Variants in RHOT1 observed in about 807,000 individuals in gnomAD.
The protein encoded by RHOT1 is ras homolog family member T1, also known as mitochondrial Rho GTPase 1.
RHOT1 carries 27 observed loss-of-function variants against 95.3 expected under a neutral mutation model. The observed-to-expected ratio is 0.28, with a 90% CI of 0.21 to 0.39. The LOEUF (loss-of-function observed/expected upper bound fraction) is 0.39. RHOT1 is among the 10% of genes least tolerant of loss of function. The pLI, the probability that RHOT1 is intolerant of heterozygous loss-of-function variation, is 1.00. For missense variants in RHOT1, 578 were observed against 786.7 expected (o/e 0.73, Z 3.17); for synonymous variants, 227 against 263.5 (o/e 0.86, Z 1.34).
intron 1 of RHOT1, among the ~76,000 whole-genome samples, chr17:32,163,773 A>G (rs2033788462): frequency 2.0e-5 from 3 of 152,164 alleles, no homozygotes. Flanking sequence ...TGTTAACTAT[A>G]TTGGTGATAA....
At chr17:32,189,022 G>A (rs1047310003) in intron 8 of RHOT1, among the ~76,000 whole-genome samples, 2 of 152,118 alleles carry the variant, frequency 1.3e-5, no homozygotes, top group African/African-American at 4.8e-5. Flanking sequence ...GATTCTGGCC[G>A]GGCAAAGTGG....
At chr17:32,204,411 A>G (rs1024223861) in intron 16 of RHOT1, among the ~76,000 whole-genome samples, 4 of 151,800 alleles carry the variant, frequency 2.6e-5, no homozygotes, top group Non-Finnish European at 4.4e-5. Flanking sequence ...TTAGCCGGGC[A>G]TGGTGGTTCA....
chr17:32,172,795 A>G (rs1292358353), intron 2 of RHOT1: 1 of 152,508 alleles, frequency 6.6e-6, no homozygotes, highest in Non-Finnish European at 1.5e-5. Context: ...GTGCCATTGC[A>G]CTCCAGCCTG....
intron 6 of RHOT1, among the ~76,000 whole-genome samples, chr17:32,178,209 C>T (rs138787375): frequency 5.3e-5 from 8 of 149,860 alleles, no homozygotes; most frequent in African/African-American, 1.7e-4. Flanking sequence ...GCCCTCCCCC[C>T]CCCCAGTGAT....
chr17:32,172,769 G>C (rs930528468), intron 2 of RHOT1, among the ~76,000 whole-genome samples: 5 of 152,244 alleles, frequency 3.3e-5, no homozygotes, highest in Admixed American at 2.6e-4. Context: ...GGCAGAGCTT[G>C]CAGTGAGCTG....
intron 8 of RHOT1, among the ~76,000 whole-genome samples, chr17:32,191,998 G>A (rs2036524746): frequency 6.6e-6 from 1 of 152,154 alleles, no homozygotes; most frequent in African/African-American, 2.4e-5. Context: ...TAAGGGGAGA[G>A]CTTGACCATT....
chr17:32,171,194 G>A (rs1329270461), intron 2 of RHOT1, 93 bp downstream of exon 2: 9 of 866,080 alleles, frequency 1.0e-5, no homozygotes, highest in South Asian at 6.7e-5. Flanking sequence ...CATGTGTTAT[G>A]TGCTTCCTTT....
At chr17:32,220,733 G>A (rs2038780460) in intron 19 of RHOT1, among the ~76,000 whole-genome samples, 1 of 149,024 alleles carries the variant, frequency 6.7e-6, no homozygotes, top group South Asian at 2.1e-4. Flanking sequence ...CTACTCGGGA[G>A]ACTGAGGCAC....
intron 1 of RHOT1, among the ~76,000 whole-genome samples, chr17:32,153,953 T>G (rs930351008): frequency 6.6e-6 from 1 of 152,160 alleles, no homozygotes; most frequent in African/African-American, 2.4e-5. Flanking sequence ...ATTCTGTCTG[T>G]GATCCACAGA....
intron 1 of RHOT1, among the ~76,000 whole-genome samples, chr17:32,143,605 C>T (rs2030798571): frequency 6.6e-6 from 1 of 152,174 alleles, no homozygotes; most frequent in Admixed American, 6.5e-5. Context: ...ATACATTTCA[C>T]CTTTTGAAAA....
intron 6 of RHOT1, among the ~76,000 whole-genome samples, chr17:32,180,515 C>T (rs1055999729): frequency 1.6e-4 from 25 of 151,832 alleles, no homozygotes; most frequent in Admixed American, 1.6e-3. Flanking sequence ...GACACAAACA[C>T]TGTGTAGGAA....
intron 3 of RHOT1, among the ~76,000 whole-genome samples, chr17:32,174,252 T>G (rs2034814373): frequency 6.6e-6 from 1 of 152,354 alleles, no homozygotes; most frequent in East Asian, 1.9e-4. Context: ...GGATGTAAAA[T>G]ATGTCATTAA....
intron 8 of RHOT1, among the ~76,000 whole-genome samples, chr17:32,187,688 C>T (rs1293793224): frequency 6.6e-6 from 1 of 152,136 alleles, no homozygotes; most frequent in Non-Finnish European, 1.5e-5. Flanking sequence ...CCTGCCTCAG[C>T]CTCCCAAGTA....
At chr17:32,149,650 T>C (rs2032001469) in intron 1 of RHOT1, among the ~76,000 whole-genome samples, 1 of 137,284 alleles carries the variant, frequency 7.3e-6, no homozygotes, top group Non-Finnish European at 1.6e-5. Flanking sequence ...TGTGTGTGTG[T>C]GTGTGTGTGT....
intron 1 of RHOT1, among the ~76,000 whole-genome samples, chr17:32,165,228 T>C (rs187936391): frequency 6.7e-6 from 1 of 149,508 alleles, no homozygotes; most frequent in Non-Finnish European, 1.5e-5. Context: ...TCCCAGCTAC[T>C]TGGGAGGCTG....
intron 1 of RHOT1, among the ~76,000 whole-genome samples, chr17:32,149,627 A>ATGTGTGTGTGTGTGTGTG (rs1488563031): frequency 3.3e-4 from 29 of 87,164 alleles, no homozygotes; most frequent in South Asian, 8.5e-4. Flanking sequence ...ATATATATAT[A>ATGTGTGTGTGTGTGTGTG]TATATATATG....
rs529548468 is a variant in RHOT1 at position 32,179,666 on chromosome 17, C to T, written c.330-3091C>T. Reference sequence around the variant, plus strand: ...CTGGGAGGTGAGGAGCGTTTCTGCCCGGCCGCCCATCATCTGGGAAGTGGG... The same window carrying T: ...CTGGGAGGTGAGGAGCGTTTCTGCCTGGCCGCCCATCATCTGGGAAGTGGG... On this transcript the variant is annotated intron_variant, in intron 6 of 19. Coordinates refer to ENST00000545287, the MANE Select transcript of RHOT1 (RefSeq NM_001033566.3). 3.5e-3 allele frequency: 503 copies of T among 145,748 alleles called. 7 individuals carry two copies. Among genetic ancestry groups the T allele is most frequent in the African/African-American group, 0.011 (440 of 38,444 alleles). The allele number at this position is 145,748 out of a possible 1,614,324, so 9.0% of individuals were successfully genotyped here.
intron 18 of RHOT1, chr17:32,209,217 CT>C (rs1343570827): frequency 3.1e-5 from 14 of 450,846 alleles, no homozygotes; most frequent in Non-Finnish European, 3.9e-5. Flanking sequence ...TTACCTAATA[CT>C]TTTTTTAGAT....
chr17:32,205,139 G>C (rs1287753848), intron 16 of RHOT1, among the ~76,000 whole-genome samples: 2 of 151,730 alleles, frequency 1.3e-5, no homozygotes, highest in Non-Finnish European at 2.9e-5. Flanking sequence ...CATGCATTAG[G>C]TATTTGTCCT....
Sources: gnomAD v4.1 joint callset for allele counts (sites outside exome capture counted in the v4.1 genomes callset) on GRCh38, gnomAD v4.1.1 for gene constraint, MANE v1.5 for transcripts, NCBI Gene and HGNC (gene_info 2026-07-23, HGNC 2026-07-21) for gene names.